ADCY9: variants seen among roughly 807,000 people sequenced by gnomAD.
ADCY9 encodes the protein adenylate cyclase type 9.
A neutral mutation model predicts 101.5 loss-of-function variants in ADCY9; 50 were observed. The ratio of observed to expected loss-of-function variants is 0.49; its 90% CI spans 0.39 to 0.62. The LOEUF (loss-of-function observed/expected upper bound fraction) is 0.62, where lower values mean the gene tolerates loss of function less well. Ranked by LOEUF, ADCY9 falls within the 20% of genes least tolerant of loss-of-function variation. The pLI, the probability that ADCY9 is intolerant of heterozygous loss-of-function variation, is 0.00. For synonymous variants in ADCY9, 905 were observed against 769.3 expected, an observed-to-expected ratio of 1.18 and a Z score of -2.92; for missense variants, 1,662 against 1,800.4, an observed-to-expected ratio of 0.92 and a Z score of 1.39.
chr16:4,036,180 C>A (rs1279866399), intron 2 of ADCY9, among the ~76,000 whole-genome samples: 12 of 151,848 alleles, frequency 7.9e-5, no homozygotes, highest in Non-Finnish European at 2.9e-5. Flanking sequence ...ACAGCCACAG[C>A]ACCTTGAAGC....
chr16:3,977,368 G>A (rs1472742052), intron 9 of ADCY9, 114 bp downstream of exon 9: 2 of 1,370,700 alleles, frequency 1.5e-6, no homozygotes, highest in African/African-American at 2.9e-5. Flanking sequence ...GGTCATGATG[G>A]GAAATATCTC....
At position 4,002,613 on chromosome 16, in the gene ADCY9, G is replaced by A. The variant is rs935048844; in HGVS notation, c.1884+4755C>T. Among the ~76,000 whole-genome samples the A allele has an allele frequency of 5.9e-5, 9 of 152,232 alleles. No homozygotes were observed. The East Asian group carries it at 9.6e-4, about 16-fold the overall frequency. On this transcript the variant is annotated intron_variant, in intron 3 of 10. Transcript: ENST00000294016. ...AGGTAAACTCAGGAAGACCAGCCAC[G>A]CAGGTGCGCTCCAGGGAGGCCTTTC...
chr16:4,040,102 C>T (rs150508657), intron 2 of ADCY9, among the ~76,000 whole-genome samples: 84 of 152,244 alleles, frequency 5.5e-4, no homozygotes, highest in Admixed American at 1.6e-3. Context: ...CACGCCTTTT[C>T]ATATAAATAA....
intron 2 of ADCY9, among the ~76,000 whole-genome samples, chr16:4,074,737 A>AAC: frequency 6.6e-6 from 1 of 151,928 alleles, no homozygotes; most frequent in Non-Finnish European, 1.5e-5. Context: ...AAAAATAGAA[A>AAC]ACACACTAGC....
intron 3 of ADCY9, among the ~76,000 whole-genome samples, chr16:4,005,105 C>T (rs1208291204): frequency 6.6e-6 from 1 of 152,142 alleles, no homozygotes; most frequent in African/African-American, 2.4e-5. Flanking sequence ...ACCGCGTCCT[C>T]CTCTGAAGGC....
At chr16:3,985,041 G>A (rs2056179042) in intron 6 of ADCY9, among the ~76,000 whole-genome samples, 1 of 152,174 alleles carries the variant, frequency 6.6e-6, no homozygotes, top group Non-Finnish European at 1.5e-5. Context: ...CAAGGAAGCT[G>A]GAGGCTCTGT....
intron 2 of ADCY9, among the ~76,000 whole-genome samples, chr16:4,044,652 T>C (rs1190131669): frequency 1.3e-5 from 2 of 152,220 alleles, no homozygotes; most frequent in Non-Finnish European, 2.9e-5. Context: ...GTTTTATCTC[T>C]GGAGCTTCAT....
intron 2 of ADCY9, among the ~76,000 whole-genome samples, chr16:4,039,457 T>A (rs1246008562): frequency 6.6e-6 from 1 of 151,542 alleles, no homozygotes; most frequent in Non-Finnish European, 1.5e-5. Context: ...GGCAGGCAGA[T>A]GTTCTGAGGT....
rs151288055 is a variant in ADCY9 at position 4,038,396 on chromosome 16, G to A, written c.1694-30838C>T. Among the ~76,000 whole-genome samples the A allele has an allele frequency of 7.2e-4, 109 of 152,152 alleles. 1 individual carries two copies. The Middle Eastern group carries it at 0.014, about 19-fold the overall frequency. On this transcript the variant is annotated intron_variant, in intron 2 of 10. Transcript: ENST00000294016. Reference sequence around the variant, plus strand: ...CGAGAGGGCTTAGGGGTGAGCAACCGCATGAAAGGCCTGAGGGAACGAGTC... The same window carrying A: ...CGAGAGGGCTTAGGGGTGAGCAACCACATGAAAGGCCTGAGGGAACGAGTC...
rs187212320 is a variant in ADCY9, at chr16:4,100,775, A to C, written c.1693+12975T>G. On this transcript the variant is annotated intron_variant, in intron 2 of 10. Coordinates refer to ENST00000294016, the MANE Select transcript of ADCY9 (RefSeq NM_001116.4). ...AAAAAAAAAGAAAAGAAAAAAACAA[A>C]CTCAGTCTGTAAATGGTATAGAAAG... is the stretch of plus-strand genomic sequence containing the variant. Among the ~76,000 whole-genome samples, 629 of 151,896 alleles carry C rather than the reference A, an allele frequency of 4.1e-3. 4 individuals carry two copies. Among genetic ancestry groups the C allele is most frequent in the African/African-American group, 0.015 (606 of 41,424 alleles).
At chr16:4,012,491 A>G (rs2056410888) in intron 2 of ADCY9, among the ~76,000 whole-genome samples, 1 of 151,652 alleles carries the variant, frequency 6.6e-6, no homozygotes, top group African/African-American at 2.4e-5. Flanking sequence ...AAAAAAAAAG[A>G]CAGCTAAATG....
intron 5 of ADCY9, among the ~76,000 whole-genome samples, chr16:3,989,592 C>A (rs11866933): frequency 0.18 from 28,088 of 152,128 alleles, 2,781 homozygotes; most frequent in South Asian, 0.35. Flanking sequence ...GTTGGTCAGG[C>A]TGGTCTCGAA....
At position 4,060,543 on chromosome 16, in the gene ADCY9, C is replaced by G. The variant is rs143606395; in HGVS notation, c.1694-52985G>C. Among the ~76,000 whole-genome samples the G allele has an allele frequency of 2.8e-4, 42 of 152,318 alleles. No homozygotes were observed. The East Asian group carries it at 7.9e-3, about 29-fold the overall frequency. On this transcript the variant is annotated intron_variant, in intron 2 of 10. Transcript: ENST00000294016. ...ATTAGTAGCTCAAGGTGTTTCAGCA[C>G]ACCTCTGAATAATCATTGCCTGACC... is the stretch of plus-strand genomic sequence containing the variant.
At chr16:3,972,458 C>G (rs1332652559) in intron 10 of ADCY9, among the ~76,000 whole-genome samples, 1 of 152,092 alleles carries the variant, frequency 6.6e-6, no homozygotes, top group African/African-American at 2.4e-5. Context: ...GTCTCGAACT[C>G]CTGACCTCAG....
At chr16:4,025,748 A>C (rs1363527824) in intron 2 of ADCY9, among the ~76,000 whole-genome samples, 1 of 152,214 alleles carries the variant, frequency 6.6e-6, no homozygotes, top group Non-Finnish European at 1.5e-5. Context: ...CATGACCAGC[A>C]GAGGCCAACT....
chr16:3,983,916 C>A (rs1435970862), intron 6 of ADCY9: 1 of 155,924 alleles, frequency 6.4e-6, no homozygotes, highest in Admixed American at 6.3e-5. Flanking sequence ...CATAGCGAGA[C>A]CCCGTCTACC....
chr16:4,089,885 G>C (rs1238385030), intron 2 of ADCY9, among the ~76,000 whole-genome samples: 3 of 152,020 alleles, frequency 2.0e-5, no homozygotes, highest in Admixed American at 6.6e-5. Context: ...CTCCCTGGTG[G>C]GATCCTTTTG....
chr16:4,115,202 G>A lies in ADCY9; in HGVS notation c.241C>T (p.Gln81Ter). 2 of 1,613,646 alleles carry A rather than the reference G, an allele frequency of 1.2e-6. No individual in the cohort carries two copies. Among genetic ancestry groups the A allele is most frequent in the Non-Finnish European group, 1.7e-6 (2 of 1,179,930 alleles). ...CGGCTGGAGGCCCTCTCGAACAGCT[G>A]GGGCAGCTTCTTCTGCCTGCGCAGC... is the stretch of plus-strand genomic sequence containing the variant. Reference protein sequence around the residue: ...GRLRRQKKLPQLFERASSRWW... With the variant: ...GRLRRQKKLP Residue 81 changes from glutamine to a stop codon, truncating the protein, a stop_gained, in exon 2 of 11, where the codon CAG becomes TAG. Transcript: ENST00000294016. LOFTEE classifies it high-confidence loss of function. This position sits in a 1 kb window ranked among gnomAD's most constrained non-coding sequence, Gnocchi z 6.2.
intron 3 of ADCY9, among the ~76,000 whole-genome samples, chr16:4,002,413 G>C (rs2056337211): frequency 6.6e-6 from 1 of 152,152 alleles, no homozygotes; most frequent in African/African-American, 2.4e-5. Context: ...TGTCACAAAA[G>C]GATGGTTCCT....
Sources: allele counts gnomAD v4.1 joint callset (sites outside exome capture counted in the v4.1 genomes callset), GRCh38; gene constraint gnomAD v4.1.1; non-coding constraint Gnocchi (gnomAD v3.1); transcripts MANE v1.5; gene names NCBI Gene and HGNC (gene_info 2026-07-23, HGNC 2026-07-21).